RTCA: variants seen among roughly 807,000 people sequenced by gnomAD.
RTCA encodes the protein RNA terminal phosphate cyclase domain 1.
A neutral mutation model predicts 46.1 loss-of-function variants in RTCA; 37 were observed. The observed-to-expected ratio is 0.80, with a 90% CI of 0.62 to 1.06. The LOEUF is 1.06. Among genes scored for constraint, RTCA ranks in the 50% least tolerant of loss-of-function variants. The pLI is 0.00. For synonymous variants in RTCA, 164 were observed against 158.3 expected (o/e 1.04, Z -0.27); for missense variants, 435 against 455.5 (o/e 0.95, Z 0.41).
intron 3 of RTCA, among the ~76,000 whole-genome samples, chr1:100,269,568 G>C (rs183993454): frequency 1.3e-5 from 2 of 152,050 alleles, no homozygotes; most frequent in African/African-American, 2.4e-5. Context: ...TCCTGGGCTC[G>C]AGTGATCATC....
At chr1:100,286,113 C>T (rs2100812960) in intron 9 of RTCA, among the ~76,000 whole-genome samples, 1 of 152,238 alleles carries the variant, frequency 6.6e-6, no homozygotes, top group East Asian at 1.9e-4. Flanking sequence ...CATAATATCC[C>T]CTATGCCTGT....
chr1:100,292,531 G>A lies in RTCA; in HGVS notation c.*1027G>A, dbSNP rs896493253. On this transcript the variant is annotated 3_prime_UTR_variant, in exon 11 of 11. Coordinates refer to ENST00000370128, the MANE Select transcript of RTCA (RefSeq NM_003729.4). The stretch of plus-strand genomic sequence containing the variant: ...TTGGCTAGGATGGTCTCCATCTCCT[G>A]ACCTCGTGATCCGCCCACCTTGGCC... 4 of 151,964 alleles carry A rather than the reference G, an allele frequency of 2.6e-5. No homozygotes were observed. The highest frequency in any genetic ancestry group is 1.3e-4 in the Admixed American group (2 of 15,254). 9.4% of individuals were successfully genotyped at this position (151,964 alleles called of 1,614,324 possible). A position where few individuals can be genotyped will look rare whatever the true frequency, so the allele number is the denominator to read the frequency against.
chr1:100,288,877 C>T (rs763262145), intron 10 of RTCA, among the ~76,000 whole-genome samples: 9 of 151,096 alleles, frequency 6.0e-5, no homozygotes, highest in Non-Finnish European at 1.0e-4. Flanking sequence ...GGTTGGAGTG[C>T]AGTGGCACAG....
At chr1:100,288,081 A>T (rs976214065) in intron 10 of RTCA, among the ~76,000 whole-genome samples, 4 of 152,196 alleles carry the variant, frequency 2.6e-5, no homozygotes, top group African/African-American at 7.2e-5. Context: ...GGTGTGAGCC[A>T]CTGTGCCTGG....
intron 3 of RTCA, among the ~76,000 whole-genome samples, chr1:100,269,843 T>G (rs552807222): frequency 1.9e-3 from 289 of 152,112 alleles, no homozygotes; most frequent in Non-Finnish European, 3.2e-3. Flanking sequence ...CCTTGCCACC[T>G]GCCCCCCGAC....
chr1:100,291,531 A>C lies in RTCA; in HGVS notation c.*27A>C. On this transcript the variant is annotated 3_prime_UTR_variant, in exon 11 of 11. Coordinates refer to ENST00000370128, the MANE Select transcript of RTCA (RefSeq NM_003729.4). ...GTATTTGCCTCTTAAATGATACCTCATTGATATATTGCACTATTTCATAAA... is the reference window on the plus strand; with the variant it reads ...GTATTTGCCTCTTAAATGATACCTCCTTGATATATTGCACTATTTCATAAA... 4 of 1,248,174 alleles carry C rather than the reference A, an allele frequency of 3.2e-6. No homozygotes were observed. The highest frequency in any genetic ancestry group is 4.6e-6 in the Non-Finnish European group (4 of 860,550). 77.3% of individuals were successfully genotyped at this position (1,248,174 alleles called of 1,614,324 possible).
chr1:100,278,865 GT>G (rs1307744212), intron 8 of RTCA, among the ~76,000 whole-genome samples: 28 of 152,288 alleles, frequency 1.8e-4, no homozygotes, highest in African/African-American at 6.5e-4. Context: ...CTGGGAGTTC[GT>G]TAGAAATACA....
rs372079221 is a variant in RTCA, at chr1:100,266,546, C to G, written c.68C>G (p.Ser23Cys). Residue 23 changes from serine to cysteine, a missense_variant, in exon 2 of 11, where the codon TCT (serine) becomes TGT (cysteine). Ser to Cys is a moderately radical substitution (Grantham distance 112, BLOSUM62 -1). Transcript: ENST00000370128. ...CAGGGCGGCCAGATCCTGAGAGTCTCTACGGCCTTGAGCTGTCTCCTAGGC... is the reference window on the plus strand; with the variant it reads ...CAGGGCGGCCAGATCCTGAGAGTCTGTACGGCCTTGAGCTGTCTCCTAGGC... Reference protein sequence around the residue: ...MEGGGQILRVSTALSCLLGLP... With the variant: ...MEGGGQILRVCTALSCLLGLP... 8.1e-6 allele frequency: 13 copies of G among 1,613,662 alleles called. No individual in the cohort carries two copies. The highest frequency in any genetic ancestry group is 1.3e-5 in the African/African-American group (1 of 74,958).
chr1:100,271,561 A>T lies in RTCA; in HGVS notation c.414+881A>T, dbSNP rs1344978597. Reference sequence around the variant, plus strand: ...AGGATTATGATTTGGAGGGAAACTCAAACTTTTTTTTTCTATTAAGCCCCT... The same window carrying T: ...AGGATTATGATTTGGAGGGAAACTCTAACTTTTTTTTTCTATTAAGCCCCT... On this transcript the variant is annotated intron_variant, in intron 4 of 10. Coordinates refer to ENST00000370128, the MANE Select transcript of RTCA (RefSeq NM_003729.4). Among the ~76,000 whole-genome samples, 7 of 152,352 alleles carry T rather than the reference A, an allele frequency of 4.6e-5. No homozygotes were observed. The East Asian group carries it at 1.3e-3, about 29-fold the overall frequency.
chr1:100,271,576 A>G lies in RTCA; in HGVS notation c.414+896A>G, dbSNP rs151005583. Among the ~76,000 whole-genome samples the G allele has an allele frequency of 4.1e-4, 62 of 152,146 alleles. 1 individual carries two copies. The East Asian group carries it at 0.01, about 26-fold the overall frequency. On this transcript the variant is annotated intron_variant, in intron 4 of 10. Transcript: ENST00000370128. ...AGGGAAACTCAAACTTTTTTTTTCT[A>G]TTAAGCCCCTTCCATTCTAGGATCA... is the stretch of plus-strand genomic sequence containing the variant.
intron 2 of RTCA, chr1:100,267,535 C>T (rs554396173): frequency 4.9e-5 from 75 of 1,545,616 alleles, no homozygotes; most frequent in Admixed American, 5.9e-5. Flanking sequence ...AAGGTCCTGA[C>T]AAGGTTGGTT....
intron 2 of RTCA, 29 bp downstream of exon 2, chr1:100,266,653 C>T (rs750050683): frequency 1.3e-5 from 20 of 1,559,670 alleles, no homozygotes; most frequent in Non-Finnish European, 1.7e-5. Context: ...GGAGTTGGGC[C>T]GTGAAGCTGG....
At chr1:100,278,930 CAGG>C in intron 8 of RTCA, among the ~76,000 whole-genome samples, 1 of 152,236 alleles carries the variant, frequency 6.6e-6, no homozygotes, top group East Asian at 1.9e-4. Flanking sequence ...GAGTGGGGCC[CAGG>C]AATCCATTTT....
chr1:100,281,164 T>C, intron 8 of RTCA: 1 of 525,540 alleles, frequency 1.9e-6, no homozygotes. Flanking sequence ...CTATAACCAT[T>C]TTGATCTTAG....
intron 8 of RTCA, among the ~76,000 whole-genome samples, chr1:100,281,059 A>G (rs1251048261): frequency 6.6e-6 from 1 of 152,186 alleles, no homozygotes; most frequent in Non-Finnish European, 1.5e-5. Flanking sequence ...TCTTAGGGTT[A>G]TCACCAGAAG....
rs1667363456 is a variant in RTCA at position 100,291,757 on chromosome 1, A to G, written c.*253A>G. The G allele has an allele frequency of 4.2e-6, 1 of 240,414 alleles. No homozygotes were observed. Among genetic ancestry groups the G allele is most frequent in the African/African-American group, 2.2e-5 (1 of 44,534 alleles). The allele number at this position is 240,414 out of a possible 1,614,324, so 14.9% of individuals were successfully genotyped here. ...CAATATTGAAGTATTGAAATAAAAT[A>G]TTCTTTACACCTGAAGTAAATACAT... On this transcript the variant is annotated 3_prime_UTR_variant, in exon 11 of 11. Coordinates refer to ENST00000370128, the MANE Select transcript of RTCA (RefSeq NM_003729.4).
In RTCA at chr1:100,277,303, G is replaced by C. The variant is rs370576495; in HGVS notation, c.786G>C (p.Ser262=). The change falls in exon 8 of 11, where the codon TCG becomes TCC. Residue 262 remains serine, a synonymous_variant. Coordinates refer to ENST00000370128, the MANE Select transcript of RTCA (RefSeq NM_003729.4). ...TSTGCLFAGS[S]LGKRGVNADK... is the part of the protein sequence containing the mutation. ...CTGGCTGTTTGTTTGCTGGATCATC[G>C]CTTGGTAAACGAGGTAAGATAAATG... 2 of 1,611,160 alleles carry C rather than the reference G, an allele frequency of 1.2e-6. No individual in the cohort carries two copies.
chr1:100,272,964 G>A (rs1215467896), intron 4 of RTCA, among the ~76,000 whole-genome samples: 3 of 152,160 alleles, frequency 2.0e-5, no homozygotes, highest in African/African-American at 4.8e-5. Flanking sequence ...ATGATGTCAG[G>A]AAAATGCTTA....
At position 100,268,257 on chromosome 1, in the gene RTCA, C is replaced by G. The variant is rs760999996; in HGVS notation, c.252C>G (p.Ile84Met). Residue 84 changes from isoleucine to methionine, a missense_variant, in exon 3 of 11, where the codon ATC becomes ATG. By Grantham distance (10) the Ile-to-Met change is conservative. Transcript: ENST00000370128. ...AAATAACCTTTACACCAGAGAAGAT[C>G]AAAGGTGGAATCCACACAGCAGATA... ...STEITFTPEK[I>M]KGGIHTADTK... 9.3e-6 allele frequency: 15 copies of G among 1,614,012 alleles called. No homozygotes were observed. The highest frequency in any genetic ancestry group is 1.6e-4 in the Middle Eastern group (1 of 6,062).
Sources: allele counts gnomAD v4.1 joint callset (sites outside exome capture counted in the v4.1 genomes callset), GRCh38; gene constraint gnomAD v4.1.1; transcripts MANE v1.5; gene names NCBI Gene and HGNC (gene_info 2026-07-23, HGNC 2026-07-21).